CDH13: variants seen among roughly 807,000 people sequenced by gnomAD.
CDH13 encodes cadherin 13.
CDH13 carries 24 observed loss-of-function variants against 63.8 expected under a neutral mutation model. The ratio of observed to expected loss-of-function variants is 0.38; its 90% CI spans 0.27 to 0.53. CDH13 has a LOEUF of 0.53. CDH13 is among the 20% of genes least tolerant of loss of function. The pLI is 0.85. For missense variants in CDH13, 1,049 were observed against 903.1 expected (o/e 1.16, Z -2.07); for synonymous variants, 503 against 355.3 (o/e 1.42, Z -4.67).
chr16:83,667,558 A>G (rs1297459481), intron 8 of CDH13, among the ~76,000 whole-genome samples: 1 of 152,140 alleles, frequency 6.6e-6, no homozygotes, highest in East Asian at 1.9e-4. Flanking sequence ...GGGCTGAGTC[A>G]TCCATTAGGC....
At chr16:83,366,988 A>G (rs1003517863) in intron 6 of CDH13, among the ~76,000 whole-genome samples, 6 of 152,060 alleles carry the variant, frequency 3.9e-5, no homozygotes, top group African/African-American at 1.4e-4. Context: ...CATAGACTGT[A>G]TGATTCACCC....
At chr16:83,233,565 G>A (rs2040063029) in intron 5 of CDH13, among the ~76,000 whole-genome samples, 1 of 152,126 alleles carries the variant, frequency 6.6e-6, no homozygotes, top group Non-Finnish European at 1.5e-5. Context: ...CTGGAAGGGA[G>A]CATCATTCTC....
intron 6 of CDH13, among the ~76,000 whole-genome samples, chr16:83,428,296 A>C (rs1175766274): frequency 6.6e-6 from 1 of 152,228 alleles, no homozygotes; most frequent in Non-Finnish European, 1.5e-5. Context: ...CTAGCTCAAG[A>C]AATATGTTTT....
chr16:83,197,759 T>TAC (rs147666204), intron 4 of CDH13, among the ~76,000 whole-genome samples: 8 of 151,060 alleles, frequency 5.3e-5, no homozygotes, highest in East Asian at 3.9e-4. Context: ...AAAAACTAAA[T>TAC]ACACACACAC....
intron 4 of CDH13, among the ~76,000 whole-genome samples, chr16:83,168,675 T>A (rs939335074): frequency 6.6e-6 from 1 of 152,178 alleles, no homozygotes; most frequent in Non-Finnish European, 1.5e-5. Flanking sequence ...GTGCTTTTAC[T>A]TCTATTTTTT....
intron 7 of CDH13, among the ~76,000 whole-genome samples, chr16:83,525,210 C>T (rs2074933572): frequency 1.3e-5 from 2 of 152,124 alleles, no homozygotes; most frequent in Admixed American, 6.5e-5. Flanking sequence ...ATGTAGTACT[C>T]GGATTGACCA....
intron 7 of CDH13, among the ~76,000 whole-genome samples, chr16:83,559,195 T>C (rs547000069): frequency 1.0e-3 from 157 of 152,274 alleles, no homozygotes; most frequent in African/African-American, 3.7e-3. Flanking sequence ...GTGAGGATAG[T>C]GAATAATAAT....
intron 7 of CDH13, among the ~76,000 whole-genome samples, chr16:83,564,572 C>A (rs2075761347): frequency 6.6e-6 from 1 of 152,028 alleles, no homozygotes; most frequent in African/African-American, 2.4e-5. Flanking sequence ...CCACACCCAG[C>A]TAATTTTTCT....
At chr16:83,472,750 C>T (rs1260482098) in intron 6 of CDH13, among the ~76,000 whole-genome samples, 1 of 152,192 alleles carries the variant, frequency 6.6e-6, no homozygotes, top group Non-Finnish European at 1.5e-5. Context: ...ATTATTCATA[C>T]AGAGTGTGCC....
chr16:83,058,758 G>A (rs1159690911), intron 3 of CDH13, among the ~76,000 whole-genome samples: 1 of 152,110 alleles, frequency 6.6e-6, no homozygotes, highest in Non-Finnish European at 1.5e-5. Context: ...TCAGCATCTG[G>A]GATGGTCTTA....
At chr16:83,291,550 A>G (rs1224695169) in intron 5 of CDH13, among the ~76,000 whole-genome samples, 1 of 151,720 alleles carries the variant, frequency 6.6e-6, no homozygotes, top group Non-Finnish European at 1.5e-5. Context: ...TTCATATACT[A>G]CTTTGTTAAC....
intron 10 of CDH13, among the ~76,000 whole-genome samples, chr16:83,734,727 T>TATA (rs61075767): frequency 0.037 from 5,221 of 141,826 alleles, 174 homozygotes; most frequent in Admixed American, 0.087. Context: ...AAACTTAAAG[T>TATA]ATAATAATAA....
chr16:83,766,717 T>C (rs1257319637), intron 11 of CDH13, among the ~76,000 whole-genome samples: 1 of 152,232 alleles, frequency 6.6e-6, no homozygotes, highest in African/African-American at 2.4e-5. Flanking sequence ...CCAACCCATC[T>C]GATATGGTTT....
chr16:83,173,335 A>G (rs907264092), intron 4 of CDH13, among the ~76,000 whole-genome samples: 2 of 152,046 alleles, frequency 1.3e-5, no homozygotes, highest in Non-Finnish European at 2.9e-5. Context: ...TGTTAAAGAG[A>G]ATTGGAATAT....
chr16:83,376,612 G>A (rs1451777267), intron 6 of CDH13, among the ~76,000 whole-genome samples: 4 of 152,142 alleles, frequency 2.6e-5, no homozygotes, highest in African/African-American at 9.7e-5. Context: ...TGAGATGCTA[G>A]CATGATGACA....
chr16:83,031,660 C>T (rs746471564), intron 2 of CDH13, among the ~76,000 whole-genome samples: 6 of 152,074 alleles, frequency 3.9e-5, no homozygotes, highest in Non-Finnish European at 7.4e-5. Flanking sequence ...CCTGAGCACC[C>T]TGTGGTTCTG....
chr16:83,597,733 A>G (rs1490371831), intron 7 of CDH13, among the ~76,000 whole-genome samples: 1 of 152,230 alleles, frequency 6.6e-6, no homozygotes, highest in Non-Finnish European at 1.5e-5. Context: ...ATTCTCTACT[A>G]GGTTAATCAG....
intron 4 of CDH13, among the ~76,000 whole-genome samples, chr16:83,182,703 C>T (rs949744125): frequency 6.6e-6 from 1 of 152,162 alleles, no homozygotes; most frequent in Non-Finnish European, 1.5e-5. Context: ...TGTATTTTCT[C>T]ATTTAATCTT....
chr16:83,540,306 G>A (rs1351228954), intron 7 of CDH13, among the ~76,000 whole-genome samples: 4 of 152,122 alleles, frequency 2.6e-5, no homozygotes, highest in Admixed American at 6.6e-5. Context: ...TTGGCAGACC[G>A]ACAAACTGCG....
Sources: allele counts gnomAD v4.1 joint callset (sites outside exome capture counted in the v4.1 genomes callset), GRCh38; gene constraint gnomAD v4.1.1; transcripts MANE v1.5; gene names NCBI Gene and HGNC (gene_info 2026-07-23, HGNC 2026-07-21).